UST: variants seen among roughly 807,000 people sequenced by gnomAD.
UST encodes the protein uronyl 2-sulfotransferase.
In UST, 21 loss-of-function variants were observed where a neutral mutation model predicts 45.6. That is an observed-to-expected ratio of 0.46 (90% CI 0.33 to 0.66). The LOEUF (loss-of-function observed/expected upper bound fraction) is 0.66, where lower values mean the gene tolerates loss of function less well. Among genes scored for constraint, UST ranks in the 30% least tolerant of loss-of-function variants. The pLI is 0.02. For missense variants in UST, 463 were observed against 512.4 expected (o/e 0.90, Z 0.93); for synonymous variants, 215 against 200.6 (o/e 1.07, Z -0.61).
chr6:148,954,622 C>G (rs987622776), intron 4 of UST, among the ~76,000 whole-genome samples: 8 of 152,160 alleles, frequency 5.3e-5, no homozygotes, highest in African/African-American at 1.9e-4. Context: ...TAGGCCGTGC[C>G]ATCGAGGTTT....
intron 5 of UST, among the ~76,000 whole-genome samples, chr6:149,010,913 A>AAAAAAAAAAAAAAAAATAAC (rs755674810): frequency 1.1e-5 from 1 of 92,968 alleles, no homozygotes; most frequent in African/African-American, 4.4e-5. Context: ...AAAAAAAAAA[A>AAAAAAAAAAAAAAAAATAAC]AAAAAACTGT....
intron 7 of UST, among the ~76,000 whole-genome samples, chr6:149,049,048 G>T (rs1443952891): frequency 6.6e-6 from 1 of 151,622 alleles, no homozygotes; most frequent in African/African-American, 2.4e-5. Context: ...AGGGGCATAG[G>T]TATATATAGC....
At chr6:148,966,163 G>A (rs1780792779) in intron 5 of UST, among the ~76,000 whole-genome samples, 1 of 151,890 alleles carries the variant, frequency 6.6e-6, no homozygotes, top group Admixed American at 6.5e-5. Context: ...GGCAGAGGTT[G>A]CAGTGAGCCA....
At chr6:148,941,032 T>TA (rs1220815618) in intron 2 of UST, among the ~76,000 whole-genome samples, 1 of 152,226 alleles carries the variant, frequency 6.6e-6, no homozygotes, top group South Asian at 2.1e-4. Context: ...TAATCAATCT[T>TA]AGAGACTGCC....
At chr6:148,754,554 T>A (rs903064457) in intron 1 of UST, among the ~76,000 whole-genome samples, 4 of 152,206 alleles carry the variant, frequency 2.6e-5, no homozygotes, top group Non-Finnish European at 4.4e-5. Flanking sequence ...TGAGAACATA[T>A]GATGTTGAGT....
At chr6:148,913,423 C>CTTTTTTTTTTTT (rs34110477) in intron 2 of UST, among the ~76,000 whole-genome samples, 11 of 79,864 alleles carry the variant, frequency 1.4e-4, no homozygotes, top group Non-Finnish European at 2.3e-4. Context: ...GACCAAAAAT[C>CTTTTTTTTTTTT]TTTTTTTTTT....
chr6:148,828,734 T>C (rs181744446), intron 1 of UST, among the ~76,000 whole-genome samples: 2 of 152,348 alleles, frequency 1.3e-5, no homozygotes, highest in East Asian at 3.9e-4. Flanking sequence ...ATTATTAAGC[T>C]TTGGAGCAAA....
At chr6:148,939,063 G>T (rs9399677) in intron 2 of UST, among the ~76,000 whole-genome samples, 1 of 151,864 alleles carries the variant, frequency 6.6e-6, no homozygotes, top group African/African-American at 2.4e-5. Context: ...AAAATCAATC[G>T]TATTTTTACC....
At chr6:148,787,000 A>G (rs754310570) in intron 1 of UST, among the ~76,000 whole-genome samples, 13 of 151,976 alleles carry the variant, frequency 8.6e-5, no homozygotes, top group Admixed American at 2.0e-4. Context: ...TTTTGGCTGC[A>G]TGTATGTCTT....
intron 1 of UST, among the ~76,000 whole-genome samples, chr6:148,825,112 G>T (rs1562268984): frequency 6.6e-6 from 1 of 152,062 alleles, no homozygotes; most frequent in African/African-American, 2.4e-5. Context: ...TTGAATCATG[G>T]TTACCTGTGG....
intron 2 of UST, among the ~76,000 whole-genome samples, chr6:148,913,540 C>T (rs1206059533): frequency 1.4e-5 from 2 of 142,476 alleles, no homozygotes; most frequent in Admixed American, 7.6e-5. Flanking sequence ...TAATGAATGT[C>T]CCTAAATGTT....
At chr6:148,951,172 C>T (rs7765192) in intron 3 of UST, among the ~76,000 whole-genome samples, 17 of 152,174 alleles carry the variant, frequency 1.1e-4, no homozygotes, top group Non-Finnish European at 2.5e-4. Context: ...AGGGAAATAG[C>T]ACAGGTGGAA....
chr6:148,870,572 G>A (rs1187068038), intron 1 of UST, among the ~76,000 whole-genome samples: 1 of 152,192 alleles, frequency 6.6e-6, no homozygotes, highest in African/African-American at 2.4e-5. Context: ...TGGTGCCCTG[G>A]CCAGGTGCGC....
chr6:148,938,453 T>C (rs1780060542), intron 2 of UST, among the ~76,000 whole-genome samples: 2 of 152,210 alleles, frequency 1.3e-5, no homozygotes, highest in African/African-American at 4.8e-5. Context: ...AGCTTCAAAT[T>C]TATTAAATGC....
chr6:148,974,742 C>T (rs916801701), intron 5 of UST, among the ~76,000 whole-genome samples: 6 of 152,198 alleles, frequency 3.9e-5, no homozygotes, highest in African/African-American at 9.7e-5. Context: ...AAGCCCCAGC[C>T]GCCTAATGGG....
chr6:148,794,645 C>T (rs1279464691), intron 1 of UST, among the ~76,000 whole-genome samples: 4 of 152,134 alleles, frequency 2.6e-5, no homozygotes, highest in African/African-American at 7.2e-5. Context: ...GTTGCTTGCT[C>T]GATCCCAGAG....
At chr6:149,008,390 T>A (rs1004716783) in intron 5 of UST, among the ~76,000 whole-genome samples, 3 of 152,200 alleles carry the variant, frequency 2.0e-5, no homozygotes, top group African/African-American at 7.2e-5. Context: ...GTGTATGTGC[T>A]TGAGGTGGGT....
At chr6:148,847,023 T>C (rs1185121395) in intron 1 of UST, among the ~76,000 whole-genome samples, 1 of 152,256 alleles carries the variant, frequency 6.6e-6, no homozygotes, top group Non-Finnish European at 1.5e-5. Context: ...CAGCAATATG[T>C]CCATCTGACA....
chr6:149,036,559 T>A (rs1277454425), intron 7 of UST, among the ~76,000 whole-genome samples: 1 of 152,236 alleles, frequency 6.6e-6, no homozygotes, highest in Non-Finnish European at 1.5e-5. Context: ...TACATTTAAC[T>A]GGGAATGTTC....
Sources: allele counts gnomAD v4.1 joint callset (sites outside exome capture counted in the v4.1 genomes callset), GRCh38; gene constraint gnomAD v4.1.1; transcripts MANE v1.5; gene names NCBI Gene and HGNC (gene_info 2026-07-23, HGNC 2026-07-21).